NTM: variants seen among roughly 807,000 people sequenced by gnomAD.
NTM encodes IgLON family member 2.
Under a neutral mutation model 42.1 loss-of-function variants are expected in NTM, and 13 were observed. That is an observed-to-expected ratio of 0.31 (90% CI 0.20 to 0.49). NTM has a LOEUF of 0.49. NTM is among the 20% of genes least tolerant of loss of function. NTM has a pLI of 0.99. For missense variants in NTM, 373 were observed against 452.8 expected (o/e 0.82, Z 1.60); for synonymous variants, 187 against 179.2 (o/e 1.04, Z -0.35).
chr11:131,740,374 G>A lies in NTM; in HGVS notation c.83-171190G>A, dbSNP rs570029707. Reference sequence around the variant, plus strand: ...CACAAAATGAATACTCACAATGAACGCTCAACAAATAGTTCCATTTTTAAA... The same window carrying A: ...CACAAAATGAATACTCACAATGAACACTCAACAAATAGTTCCATTTTTAAA... On this transcript the variant is annotated intron_variant, in intron 1 of 8. Transcript: ENST00000683400. 4.7e-4 allele frequency among the ~76,000 whole-genome samples: 71 copies of A among 152,150 alleles called. 1 individual carries two copies. Among genetic ancestry groups the A allele is most frequent in the Non-Finnish European group, 8.1e-4 (55 of 68,028 alleles).
intron 1 of NTM, among the ~76,000 whole-genome samples, chr11:131,506,926 G>A (rs1196937947): frequency 6.6e-6 from 1 of 152,178 alleles, no homozygotes; most frequent in African/African-American, 2.4e-5. Context: ...CCATCTTTAT[G>A]TTGGAGTTAA....
chr11:132,158,166 C>T lies in NTM; in HGVS notation c.400+11652C>T, dbSNP rs528430426. On this transcript the variant is annotated intron_variant, in intron 3 of 8. Coordinates refer to ENST00000683400, the MANE Select transcript of NTM (RefSeq NM_001352005.2). ...GTGGCCTAAAAGGTCTTCCTTGGTC[C>T]GGCCACCAGTGTCTCCCTGGCTTCA... Among the ~76,000 whole-genome samples, 13 of 152,306 alleles carry T rather than the reference C, an allele frequency of 8.5e-5. No individual in the cohort carries two copies. In the South Asian group the frequency reaches 2.3e-3, roughly 27 times the overall value.
At chr11:131,565,463 A>G (rs61371166) in intron 1 of NTM, among the ~76,000 whole-genome samples, 9,801 of 152,138 alleles carry the variant, frequency 0.064, 1,067 homozygotes, top group African/African-American at 0.22. Flanking sequence ...TTCTGTTCTC[A>G]TGCCATTGCC....
intron 2 of NTM, among the ~76,000 whole-genome samples, chr11:131,942,960 A>G (rs1401052176): frequency 3.2e-5 from 3 of 92,640 alleles, no homozygotes; most frequent in East Asian, 2.3e-4. Context: ...AAAAAAAAAA[A>G]TGCGTAGAGT....
chr11:131,481,651 T>A (rs1263795138), intron 1 of NTM, among the ~76,000 whole-genome samples: 2 of 140,426 alleles, frequency 1.4e-5, no homozygotes, highest in Non-Finnish European at 3.3e-5. Context: ...GCACCCTAGG[T>A]CAGCATAGGC....
At chr11:131,776,147 G>A (rs2086933475) in intron 1 of NTM, among the ~76,000 whole-genome samples, 1 of 152,272 alleles carries the variant, frequency 6.6e-6, no homozygotes, top group South Asian at 2.1e-4. Context: ...TCTTAATTAG[G>A]TTCAAACTAC....
chr11:131,716,410 A>T (rs1327982194), intron 1 of NTM, among the ~76,000 whole-genome samples: 2 of 152,180 alleles, frequency 1.3e-5, no homozygotes, highest in African/African-American at 4.8e-5. Flanking sequence ...TAGCTGAATC[A>T]TATCGTAGGT....
At chr11:131,729,837 T>C (rs1046608904) in intron 1 of NTM, among the ~76,000 whole-genome samples, 2 of 152,218 alleles carry the variant, frequency 1.3e-5, no homozygotes, top group South Asian at 2.1e-4. Context: ...ATTGAAATTG[T>C]TATCAGTTGA....
rs181879632 is a variant in NTM at position 131,928,440 on chromosome 11, A to T, written c.167+16792A>T. On this transcript the variant is annotated intron_variant, in intron 2 of 8. Coordinates refer to ENST00000683400, the MANE Select transcript of NTM (RefSeq NM_001352005.2). ...GCTGGAAGACGTTCTGGCTGTTGCCAGAATCTCCAGACACAAACCTTTTCT... is the reference window on the plus strand; with the variant it reads ...GCTGGAAGACGTTCTGGCTGTTGCCTGAATCTCCAGACACAAACCTTTTCT... Among the ~76,000 whole-genome samples the T allele has an allele frequency of 1.4e-4, 21 of 152,364 alleles. No homozygotes were observed. In the East Asian group the frequency reaches 4.0e-3, roughly 29 times the overall value.
rs75701722 is a variant in NTM, at chr11:132,252,928, G to A, written c.526+40781G>A. Among the ~76,000 whole-genome samples the A allele has an allele frequency of 3.1e-3, 474 of 152,298 alleles. 2 individuals are homozygous for A. The highest frequency in any genetic ancestry group is 0.011 in the African/African-American group (451 of 41,554). ...TAAAGATTCTAAAAATCCTGCCCTT[G>A]ATCTAACGAACCCAGTTTCCCCAGA... On this transcript the variant is annotated intron_variant, in intron 4 of 8. Coordinates refer to ENST00000683400, the MANE Select transcript of NTM (RefSeq NM_001352005.2).
intron 1 of NTM, among the ~76,000 whole-genome samples, chr11:131,874,041 ATATATATAT>A (rs1565659613): frequency 0.076 from 1,993 of 26,208 alleles, 125 homozygotes; most frequent in African/African-American, 0.21. Flanking sequence ...ATATATATAT[ATATATATAT>A]ATATATATAT....
At chr11:131,805,918 T>A (rs10791171) in intron 1 of NTM, among the ~76,000 whole-genome samples, 72,122 of 152,088 alleles carry the variant, frequency 0.47, 19,995 homozygotes, top group Non-Finnish European at 0.62. Context: ...TTAAACATGA[T>A]GTTTATGGTC....
chr11:132,321,172 C>G (rs757523623), intron 7 of NTM, among the ~76,000 whole-genome samples: 1 of 152,192 alleles, frequency 6.6e-6, no homozygotes, highest in Non-Finnish European at 1.5e-5. Context: ...CAAAGCTGGA[C>G]AGAGAATGAC....
intron 3 of NTM, among the ~76,000 whole-genome samples, chr11:132,161,833 C>T (rs1205836196): frequency 6.6e-6 from 1 of 152,202 alleles, no homozygotes; most frequent in African/African-American, 2.4e-5. Context: ...CTCCAACACT[C>T]AGAGCCCACA....
intron 2 of NTM, among the ~76,000 whole-genome samples, chr11:132,130,800 A>G (rs762398565): frequency 6.6e-6 from 1 of 152,204 alleles, no homozygotes; most frequent in Admixed American, 6.5e-5. Context: ...ATCCCCACAG[A>G]GCAAGATGGG....
chr11:131,739,694 C>T (rs979728762), intron 1 of NTM, among the ~76,000 whole-genome samples: 9 of 152,192 alleles, frequency 5.9e-5, no homozygotes, highest in African/African-American at 1.7e-4. Context: ...ATTGCTGTAT[C>T]ACATAAGGAC....
chr11:131,911,208 C>T, intron 1 of NTM: 1 of 1,383,378 alleles, frequency 7.2e-7, no homozygotes, highest in Non-Finnish European at 9.4e-7. Context: ...CCTCCTCGGC[C>T]ACCTTCCCGG....
At chr11:131,758,208 A>G (rs1382488367) in intron 1 of NTM, among the ~76,000 whole-genome samples, 2 of 151,958 alleles carry the variant, frequency 1.3e-5, no homozygotes, top group East Asian at 1.9e-4. Flanking sequence ...TACAAATCAT[A>G]CCATTCTTTT....
At chr11:131,465,702 A>T (rs1397561445) in intron 1 of NTM, among the ~76,000 whole-genome samples, 2 of 152,240 alleles carry the variant, frequency 1.3e-5, no homozygotes, top group African/African-American at 4.8e-5. Context: ...TTCTTTTGTC[A>T]GAATTCCAAA....
Sources: allele counts gnomAD v4.1 joint callset (sites outside exome capture counted in the v4.1 genomes callset), GRCh38; gene constraint gnomAD v4.1.1; transcripts MANE v1.5; gene names NCBI Gene and HGNC (gene_info 2026-07-23, HGNC 2026-07-21).